The following ZNF91 variants were observed in gnomAD, a reference collection of about 807,000 sequenced individuals.
ZNF91 encodes the protein zinc finger protein 91, also known as zinc finger protein 91 (HPF7, HTF10).
Under a neutral mutation model 12.6 loss-of-function variants are expected in ZNF91, and 7 were observed. That is an observed-to-expected ratio of 0.55 (90% CI 0.31 to 1.04). ZNF91 has a LOEUF of 1.04. Ranked by LOEUF, ZNF91 falls within the 50% of genes least tolerant of loss-of-function variation. ZNF91 has a pLI of 0.05. For missense variants in ZNF91, 1,217 were observed against 1,385.4 expected, an observed-to-expected ratio of 0.88 and a Z score of 1.93; for synonymous variants, 453 against 462.6, an observed-to-expected ratio of 0.98 and a Z score of 0.27.
At chr19:23,345,045 A>C (rs931799685) in intron 3 of ZNF91, among the ~76,000 whole-genome samples, 8 of 152,204 alleles carry the variant, frequency 5.3e-5, no homozygotes, top group Non-Finnish European at 1.2e-4. Context: ...TGCTCTCTCC[A>C]GTCCAAAAAT....
At chr19:23,316,023 T>G (rs556161147) in intron 1 of ZNF91, among the ~76,000 whole-genome samples, 1 of 152,288 alleles carries the variant, frequency 6.6e-6, no homozygotes, top group East Asian at 1.9e-4. Context: ...GTGATGCGAC[T>G]CTTCTGCATG....
At chr19:23,331,114 GC>G (rs1194247402) in intron 1 of ZNF91, among the ~76,000 whole-genome samples, 3 of 152,144 alleles carry the variant, frequency 2.0e-5, no homozygotes, top group Non-Finnish European at 4.4e-5. Context: ...TTGTGTATTT[GC>G]ACTGTTATAG....
At chr19:23,339,935 C>T (rs1337835717) in intron 3 of ZNF91, 1 of 131,846 alleles carries the variant, frequency 7.6e-6, no homozygotes, top group South Asian at 2.4e-4. Context: ...CAGTGTAAAA[C>T]CTATCTCAAA....
In ZNF91 at chr19:23,359,229, T is replaced by C. The variant is rs1489910174; in HGVS notation, c.*174A>G. On this transcript the variant is annotated 3_prime_UTR_variant, in exon 4 of 4. Coordinates refer to ENST00000300619, the MANE Select transcript of ZNF91 (RefSeq NM_003430.4). ...GTTTCTCTCTAGTATGAATTTTCTT[T>C]TTTTTTTTTTTGAGACGGAGTCTCG... 2.8e-6 allele frequency: 1 copy of C among 354,350 alleles called. No homozygotes were observed. The highest frequency in any genetic ancestry group is 4.1e-5 in the Admixed American group (1 of 24,446). 22.0% of individuals were successfully genotyped at this position (354,350 alleles called of 1,614,324 possible).
intron 1 of ZNF91, chr19:23,384,681 C>T (rs538777642): frequency 2.4e-5 from 14 of 577,076 alleles, no homozygotes; most frequent in Non-Finnish European, 4.1e-5. Flanking sequence ...CCAAGCATGA[C>T]GTCTTTGGAG....
At chr19:23,366,967 T>G (rs1969041267) in intron 3 of ZNF91, among the ~76,000 whole-genome samples, 1 of 152,342 alleles carries the variant, frequency 6.6e-6, no homozygotes, top group South Asian at 2.1e-4. Context: ...ACCTGGTGTA[T>G]TCTGTTACGA....
intron 3 of ZNF91, among the ~76,000 whole-genome samples, chr19:23,370,555 T>C (rs1969235567): frequency 6.6e-6 from 1 of 152,118 alleles, no homozygotes; most frequent in African/African-American, 2.4e-5. Context: ...CAAGCTTGAG[T>C]AGAGTGGCAC....
intron 1 of ZNF91, among the ~76,000 whole-genome samples, chr19:23,317,132 G>A (rs574218823): frequency 1.3e-5 from 2 of 151,750 alleles, no homozygotes; most frequent in Admixed American, 6.6e-5. Flanking sequence ...TGCAAGCTCC[G>A]CCTCCCGGGT....
intron 1 of ZNF91, among the ~76,000 whole-genome samples, chr19:23,395,121 G>A (rs948202146): frequency 6.6e-6 from 1 of 152,162 alleles, no homozygotes; most frequent in Non-Finnish European, 1.5e-5. Context: ...ACTGGGCAGG[G>A]AAGAGACAGG....
downstream of ZNF91, among the ~76,000 whole-genome samples, chr19:23,334,764 G>A (rs961402144): frequency 6.6e-6 from 1 of 152,116 alleles, no homozygotes; most frequent in Non-Finnish European, 1.5e-5. Context: ...TTGAACAAAT[G>A]ATTATTATAA....
intron 3 of ZNF91, among the ~76,000 whole-genome samples, chr19:23,348,229 C>T (rs1482232038): frequency 6.6e-6 from 1 of 152,058 alleles, no homozygotes; most frequent in African/African-American, 2.4e-5. Flanking sequence ...CTGTGCAACA[C>T]CAAAGGCACA....
upstream of ZNF91, among the ~76,000 whole-genome samples, chr19:23,310,965 A>G (rs933867007): frequency 2.0e-5 from 3 of 152,212 alleles, no homozygotes; most frequent in African/African-American, 7.2e-5. Context: ...CACAGTAGGC[A>G]TTGTGACATA....
downstream of ZNF91, among the ~76,000 whole-genome samples, chr19:23,336,541 G>A (rs776125999): frequency 2.0e-5 from 3 of 152,190 alleles, no homozygotes; most frequent in Non-Finnish European, 2.9e-5. Flanking sequence ...AGGGAAGATG[G>A]AGCCACCATT....
Position 23,331,064 on chromosome 19 carries a change from T to C in ZNF91, n.117-21967A>G, listed in dbSNP as rs532869799. 2.6e-5 allele frequency among the ~76,000 whole-genome samples: 4 copies of C among 152,334 alleles called. No individual in the cohort carries two copies. The South Asian group carries it at 8.3e-4, about 32-fold the overall frequency. Reference sequence around the variant, plus strand: ...GGAGAGTGCTGGATAATGGTGACCATACATGCTGTCTGTTGGGTGATGTAA... The same window carrying C: ...GGAGAGTGCTGGATAATGGTGACCACACATGCTGTCTGTTGGGTGATGTAA... On this transcript the variant is annotated intron_variant and non_coding_transcript_variant, in intron 1 of 1. Coordinates refer to the ZNF91 transcript ENST00000596528.
At chr19:23,323,773 CCTT>C (rs202169065) in intron 1 of ZNF91, among the ~76,000 whole-genome samples, 6,083 of 149,966 alleles carry the variant, frequency 0.041, 389 homozygotes, top group African/African-American at 0.14. Flanking sequence ...TTCGTCTCCT[CCTT>C]CTCTTTCTTC....
chr19:23,321,440 T>C (rs992353285), intron 1 of ZNF91, among the ~76,000 whole-genome samples: 4 of 152,024 alleles, frequency 2.6e-5, no homozygotes, highest in African/African-American at 7.2e-5. Flanking sequence ...AAAAAGGGGA[T>C]TGTGATATCT....
At chr19:23,320,460 G>A (rs1967664479) in intron 1 of ZNF91, among the ~76,000 whole-genome samples, 1 of 152,188 alleles carries the variant, frequency 6.6e-6, no homozygotes. Flanking sequence ...CATAGCTGGG[G>A]AGACCTCAGG....
rs1967886915 is a variant in ZNF91, at chr19:23,329,227, A to G, written n.117-20130T>C. ...AGATGAGATGTACACCTAAATGTTA[A>G]GAGTGTTGAAGTTTGTATTTGATTT... is the stretch of plus-strand genomic sequence containing the variant. On this transcript the variant is annotated intron_variant and non_coding_transcript_variant, in intron 1 of 1. Coordinates refer to the ZNF91 transcript ENST00000596528. 2.0e-5 allele frequency: 3 copies of G among 152,188 alleles called. No homozygotes were observed. In the South Asian group the frequency reaches 6.2e-4, roughly 31 times the overall value. 9.4% of individuals were successfully genotyped at this position (152,188 alleles called of 1,614,324 possible). A position where few individuals can be genotyped will look rare whatever the true frequency, so the allele number is the denominator to read the frequency against.
chr19:23,328,090 T>C (rs1017342419), intron 1 of ZNF91: 1 of 152,138 alleles, frequency 6.6e-6, no homozygotes, highest in African/African-American at 2.4e-5. Flanking sequence ...ATTTAGTCCA[T>C]AAATATCCAA....
Sources: allele counts gnomAD v4.1 joint callset (sites outside exome capture counted in the v4.1 genomes callset), GRCh38; gene constraint gnomAD v4.1.1; transcripts MANE v1.5; gene names NCBI Gene and HGNC (gene_info 2026-07-23, HGNC 2026-07-21).